The following LAMA3 variants were observed in gnomAD, a reference collection of about 807,000 sequenced individuals.
LAMA3 encodes the protein laminin subunit alpha 3.
In LAMA3, 281 loss-of-function variants were observed where a neutral mutation model predicts 402.0. The ratio of observed to expected loss-of-function variants is 0.70; its 90% CI spans 0.63 to 0.77. LAMA3 has a LOEUF of 0.77. LAMA3 is among the 30% of genes least tolerant of loss of function. The pLI, the probability that LAMA3 is intolerant of heterozygous loss-of-function variation, is 0.00. For missense variants in LAMA3, 3,840 were observed against 4,215.5 expected, an observed-to-expected ratio of 0.91 and a Z score of 2.47; for synonymous variants, 1,431 against 1,558.4, an observed-to-expected ratio of 0.92 and a Z score of 1.93.
chr18:23,903,227 A>G, intron 49 of LAMA3, 102 bp downstream of exon 49: 1 of 774,554 alleles, frequency 1.3e-6, no homozygotes, highest in South Asian at 1.4e-5. Flanking sequence ...TATTCAAAGT[A>G]TAGTCTCTTA....
intron 40 of LAMA3, among the ~76,000 whole-genome samples, chr18:23,883,923 C>T (rs2064984274): frequency 6.6e-6 from 1 of 152,090 alleles, no homozygotes; most frequent in South Asian, 2.1e-4. Flanking sequence ...TGACCAATGT[C>T]TAACTGTCTT....
chr18:23,703,580 A>T (rs1453748349), intron 1 of LAMA3, among the ~76,000 whole-genome samples: 3 of 152,218 alleles, frequency 2.0e-5, no homozygotes, highest in African/African-American at 7.2e-5. Context: ...AACATGGCAC[A>T]TGTATACATA....
At chr18:23,754,142 T>C (rs1320984890) in intron 6 of LAMA3, among the ~76,000 whole-genome samples, 1 of 152,216 alleles carries the variant, frequency 6.6e-6, no homozygotes, top group African/African-American at 2.4e-5. Context: ...CCTGGTTTAA[T>C]GGGATCAGGG....
chr18:23,860,634 CTCATGCTTGCCTTCTTTGTGTGAG>C (rs2064195442), intron 34 of LAMA3, among the ~76,000 whole-genome samples: 1 of 151,588 alleles, frequency 6.6e-6, no homozygotes, highest in Admixed American at 6.6e-5. Flanking sequence ...AACCAGTAAC[CTCATGCTTGCCTTCTTTGTGTGAG>C]TCATGTCTTA....
At chr18:23,712,547 A>G (rs2061013025) in intron 1 of LAMA3, among the ~76,000 whole-genome samples, 2 of 151,086 alleles carry the variant, frequency 1.3e-5, no homozygotes, top group South Asian at 4.2e-4. Context: ...AGAGCAGGAA[A>G]CATATGGCCT....
intron 44 of LAMA3, among the ~76,000 whole-genome samples, chr18:23,896,255 G>A (rs2080869273): frequency 6.6e-6 from 1 of 152,168 alleles, no homozygotes; most frequent in East Asian, 1.9e-4. Context: ...AGAATCACTT[G>A]AACCCCAGAG....
In LAMA3 at chr18:23,820,009, G is replaced by A. The variant is rs375913829; in HGVS notation, c.2304+12G>A. On this transcript the variant is annotated intron_variant, in intron 19 of 74. Transcript: ENST00000313654. ...TGACCTCAGTACAGGTACGCAACCC[G>A]AAGAGAGCAGCTTCATGGCTGAGTA... The A allele has an allele frequency of 3.2e-5, 51 of 1,613,750 alleles. No homozygotes were observed. The African/African-American group carries it at 3.3e-4, about 11-fold the overall frequency.
At chr18:23,817,548 T>TA (rs919851292) in intron 18 of LAMA3, among the ~76,000 whole-genome samples, 60 of 150,336 alleles carry the variant, frequency 4.0e-4, no homozygotes, top group East Asian at 1.4e-3. Flanking sequence ...CCGATCCCTA[T>TA]AAAAAAAAAT....
At chr18:23,941,334 C>CT (rs1314591917) in intron 68 of LAMA3, among the ~76,000 whole-genome samples, 5 of 144,842 alleles carry the variant, frequency 3.5e-5, no homozygotes, top group Non-Finnish European at 7.6e-5. Context: ...GCGCCCCCCC[C>CT]CCGCCCGGCA....
At chr18:23,761,023 A>G (rs1310432448) in intron 7 of LAMA3, among the ~76,000 whole-genome samples, 1 of 152,220 alleles carries the variant, frequency 6.6e-6, no homozygotes, top group East Asian at 1.9e-4. Flanking sequence ...CGTTCGGACC[A>G]TAGCAGAGAG....
intron 2 of LAMA3, among the ~76,000 whole-genome samples, chr18:23,743,320 A>G (rs1031764679): frequency 3.3e-5 from 5 of 152,158 alleles, no homozygotes; most frequent in African/African-American, 1.2e-4. Flanking sequence ...TGATTCTACT[A>G]CAACTTAGCT....
At chr18:23,734,114 G>A (rs149561518) in intron 2 of LAMA3, among the ~76,000 whole-genome samples, 119 of 152,324 alleles carry the variant, frequency 7.8e-4, no homozygotes, top group African/African-American at 2.5e-3. Flanking sequence ...CATCTCTGCC[G>A]TCTCAACTTC....
At position 23,767,262 on chromosome 18, in the gene LAMA3, G is replaced by A. The variant is rs548729938; in HGVS notation, c.1182+3739G>A. On this transcript the variant is annotated intron_variant, in intron 8 of 74. Coordinates refer to ENST00000313654, the MANE Select transcript of LAMA3 (RefSeq NM_198129.4). ...AAAAGACATTCCATGCTCATGGATT[G>A]GAAGAATTAGTAACATTACAGTGGC... Among the ~76,000 whole-genome samples the A allele has an allele frequency of 5.3e-5, 8 of 152,318 alleles. No individual in the cohort carries two copies. In the South Asian group the frequency reaches 1.0e-3, roughly 20 times the overall value.
intron 9 of LAMA3, among the ~76,000 whole-genome samples, chr18:23,774,907 G>A (rs533589914): frequency 2.6e-5 from 4 of 152,324 alleles, no homozygotes; most frequent in Non-Finnish European, 5.9e-5. Context: ...TAGGCATTGG[G>A]AAAGGAAAAC....
chr18:23,931,756 G>A, intron 65 of LAMA3: 1 of 253,754 alleles, frequency 3.9e-6, no homozygotes, highest in Non-Finnish European at 7.6e-6. Context: ...ATTCAGGATA[G>A]AGGGAGGGAG....
intron 52 of LAMA3, among the ~76,000 whole-genome samples, chr18:23,906,534 A>G (rs771197023): frequency 6.6e-6 from 1 of 152,164 alleles, no homozygotes; most frequent in African/African-American, 2.4e-5. Flanking sequence ...GTTGTCATCC[A>G]TGAGTCCAAG....
At chr18:23,777,351 G>T (rs904996151) in intron 10 of LAMA3, among the ~76,000 whole-genome samples, 3 of 152,044 alleles carry the variant, frequency 2.0e-5, no homozygotes. Flanking sequence ...TCTGTTCATC[G>T]TTATACAAAT....
chr18:23,895,479 A>G (rs1442475031), intron 44 of LAMA3, among the ~76,000 whole-genome samples: 1 of 152,236 alleles, frequency 6.6e-6, no homozygotes, highest in Non-Finnish European at 1.5e-5. Context: ...AAGAATAGGT[A>G]TGAGACTACA....
chr18:23,888,625 G>A (rs114447317), intron 41 of LAMA3, among the ~76,000 whole-genome samples: 28 of 152,304 alleles, frequency 1.8e-4, no homozygotes, highest in African/African-American at 6.3e-4. Context: ...AGAGATAGGA[G>A]TCCAGCCAGA....
Sources: allele counts gnomAD v4.1 joint callset (sites outside exome capture counted in the v4.1 genomes callset), GRCh38; gene constraint gnomAD v4.1.1; transcripts MANE v1.5; gene names NCBI Gene and HGNC (gene_info 2026-07-23, HGNC 2026-07-21).